PLGRKT: variants seen among roughly 807,000 people sequenced by gnomAD.
PLGRKT encodes plasminogen receptor with a C-terminal lysine.
PLGRKT carries 22 observed loss-of-function variants against 18.5 expected under a neutral mutation model. The observed-to-expected ratio is 1.19, with a 90% CI of 0.85 to 1.70. PLGRKT has a LOEUF of 1.70. PLGRKT is among the 40% of genes most tolerant of loss of function. PLGRKT has a pLI of 0.00. For missense variants in PLGRKT, 235 were observed against 174.4 expected (o/e 1.35, Z -1.96); for synonymous variants, 72 against 52.8 (o/e 1.36, Z -1.58).
chr9:5,412,473 T>G (rs1179950753), intron 3 of PLGRKT, among the ~76,000 whole-genome samples: 1 of 152,230 alleles, frequency 6.6e-6, no homozygotes, highest in East Asian at 1.9e-4. Flanking sequence ...GAGAGTAGGT[T>G]TGTTATCATG....
chr9:5,417,439 C>A (rs1432876510), intron 3 of PLGRKT, among the ~76,000 whole-genome samples: 1 of 151,750 alleles, frequency 6.6e-6, no homozygotes, highest in Non-Finnish European at 1.5e-5. Flanking sequence ...AGAAAAAAAA[C>A]ACAGGAGTAA....
At chr9:5,369,941 G>T (rs1275557992) in intron 3 of PLGRKT, among the ~76,000 whole-genome samples, 1 of 151,354 alleles carries the variant, frequency 6.6e-6, no homozygotes, top group African/African-American at 2.5e-5. Context: ...CCTGTCATGG[G>T]GTAGGGGGAC....
intron 3 of PLGRKT, among the ~76,000 whole-genome samples, chr9:5,404,293 G>A (rs370202321): frequency 5.9e-5 from 9 of 152,264 alleles, no homozygotes; most frequent in South Asian, 2.1e-4. Context: ...GCATCATCCC[G>A]ATACCAAAAC....
intron 3 of PLGRKT, among the ~76,000 whole-genome samples, chr9:5,365,791 C>T (rs1354973674): frequency 6.6e-6 from 1 of 152,088 alleles, no homozygotes; most frequent in Non-Finnish European, 1.5e-5. Flanking sequence ...ATTCTATATG[C>T]CTTTTCTAAA....
intron 3 of PLGRKT, among the ~76,000 whole-genome samples, chr9:5,401,946 T>C (rs1390655814): frequency 6.6e-6 from 1 of 151,762 alleles, no homozygotes; most frequent in East Asian, 1.9e-4. Flanking sequence ...TTGTCTCATG[T>C]TTAGTGTGGA....
Position 5,418,420 on chromosome 9 carries a change from A to C in PLGRKT, c.81+13477T>G. 1 of 866,350 alleles carries C rather than the reference A, an allele frequency of 1.2e-6. No individual in the cohort carries two copies. The highest frequency in any genetic ancestry group is 1.3e-5 in the South Asian group (1 of 75,462). The allele number at this position is 866,350 out of a possible 1,614,324, so 53.7% of individuals were successfully genotyped here. ...CTTAGAAATGCAGGACATGTTATGGAGCACGATGCTGAGGAGGAAGACCAA... is the reference window on the plus strand; with the variant it reads ...CTTAGAAATGCAGGACATGTTATGGCGCACGATGCTGAGGAGGAAGACCAA... On this transcript the variant is annotated intron_variant, in intron 3 of 5. Transcript: ENST00000223864. The surrounding 1 kb of genome is among the most constrained non-coding windows in gnomAD (Gnocchi z 4.2).
rs866325778 is a variant in PLGRKT, at chr9:5,403,491, C to T, written c.81+28406G>A. 5.3e-5 allele frequency among the ~76,000 whole-genome samples: 8 copies of T among 152,186 alleles called. No individual in the cohort carries two copies. The South Asian group carries it at 1.7e-3, about 31-fold the overall frequency. On this transcript the variant is annotated intron_variant, in intron 3 of 5. Transcript: ENST00000223864. Reference sequence around the variant, plus strand: ...CCGCCTGCCTCGGCCTCCCAAAGTGCTGGGATTACAGGCGTGAGCCACCAC... The same window carrying T: ...CCGCCTGCCTCGGCCTCCCAAAGTGTTGGGATTACAGGCGTGAGCCACCAC...
At chr9:5,432,718 G>C (rs1200801722) in intron 2 of PLGRKT, among the ~76,000 whole-genome samples, 1 of 152,174 alleles carries the variant, frequency 6.6e-6, no homozygotes, top group Non-Finnish European at 1.5e-5. Flanking sequence ...GGCTGGTCTC[G>C]AGCTCCTGGC....
chr9:5,399,373 T>C (rs1161059655), intron 3 of PLGRKT, among the ~76,000 whole-genome samples: 1 of 151,922 alleles, frequency 6.6e-6, no homozygotes, highest in Non-Finnish European at 1.5e-5. Flanking sequence ...TCCTTGCCAT[T>C]ATTATTTCAC....
intron 3 of PLGRKT, among the ~76,000 whole-genome samples, chr9:5,419,307 C>G (rs1183562517): frequency 2.0e-5 from 3 of 152,212 alleles, no homozygotes; most frequent in Non-Finnish European, 4.4e-5. Context: ...CACTGAATCC[C>G]TTTCACTCCA....
At chr9:5,359,154 C>T (rs374192666) in intron 5 of PLGRKT, among the ~76,000 whole-genome samples, 7 of 151,906 alleles carry the variant, frequency 4.6e-5, no homozygotes, top group African/African-American at 1.7e-4. Context: ...CCTCTGTCTC[C>T]TGGGTTCAAG....
chr9:5,426,071 A>C (rs1236524004), intron 3 of PLGRKT, among the ~76,000 whole-genome samples: 5 of 152,210 alleles, frequency 3.3e-5, no homozygotes, highest in African/African-American at 1.2e-4. Flanking sequence ...CCCTAAAAAG[A>C]CAACATCTTC....
At chr9:5,401,092 T>A (rs1293423208) in intron 3 of PLGRKT, among the ~76,000 whole-genome samples, 1 of 151,910 alleles carries the variant, frequency 6.6e-6, no homozygotes, top group Non-Finnish European at 1.5e-5. Flanking sequence ...CTGCTGGCCT[T>A]AATTATTACT....
chr9:5,361,230 C>G, intron 4 of PLGRKT, 43 bp from the exon 5 acceptor site: 1 of 1,120,426 alleles, frequency 8.9e-7, no homozygotes, highest in Non-Finnish European at 1.3e-6. Flanking sequence ...AAAAAATAAC[C>G]TGTAAATACA....
intron 3 of PLGRKT, chr9:5,382,026 T>G (rs910189103): frequency 1.0e-6 from 1 of 985,080 alleles, no homozygotes; most frequent in Non-Finnish European, 1.2e-6. Flanking sequence ...GTTGAAAATG[T>G]GCACCCTGAA....
intron 3 of PLGRKT, among the ~76,000 whole-genome samples, chr9:5,387,035 G>A (rs1375046045): frequency 1.3e-5 from 2 of 151,926 alleles, no homozygotes; most frequent in Non-Finnish European, 2.9e-5. Flanking sequence ...CAAGGGCAGA[G>A]CTCCTCAAAC....
chr9:5,409,439 A>C (rs533919014), intron 3 of PLGRKT, among the ~76,000 whole-genome samples: 2 of 152,154 alleles, frequency 1.3e-5, no homozygotes, highest in Non-Finnish European at 2.9e-5. Flanking sequence ...GAGTTCTTCA[A>C]TTTTGGAACT....
intron 3 of PLGRKT, among the ~76,000 whole-genome samples, 192 bp downstream of exon 3, chr9:5,431,705 A>G (rs375458649): frequency 5.3e-5 from 8 of 152,264 alleles, no homozygotes; most frequent in African/African-American, 1.9e-4. Flanking sequence ...TTTTTACACA[A>G]ATTTATCTGG....
At chr9:5,435,320 C>T (rs1429184174) in intron 2 of PLGRKT, among the ~76,000 whole-genome samples, 3 of 46,938 alleles carry the variant, frequency 6.4e-5, no homozygotes, top group African/African-American at 1.8e-4. Flanking sequence ...TCAATAAATA[C>T]TAAAAAAAAA....
Sources: allele counts gnomAD v4.1 joint callset (sites outside exome capture counted in the v4.1 genomes callset), GRCh38; gene constraint gnomAD v4.1.1; non-coding constraint Gnocchi (gnomAD v3.1); transcripts MANE v1.5; gene names NCBI Gene and HGNC (gene_info 2026-07-23, HGNC 2026-07-21).